Variants in TUSC3 observed in about 807,000 individuals in gnomAD.
TUSC3 encodes dolichyl-diphosphooligosaccharide--protein glycosyltransferase subunit TUSC3.
A neutral mutation model predicts 44.8 loss-of-function variants in TUSC3; 45 were observed. The ratio of observed to expected loss-of-function variants is 1.00; its 90% CI spans 0.79 to 1.29. TUSC3 has a LOEUF of 1.29. TUSC3 is among the 50% of genes most tolerant of loss of function. TUSC3 has a pLI of 0.00. For synonymous variants in TUSC3, 212 were observed against 152.9 expected (o/e 1.39, Z -2.85); for missense variants, 519 against 437.9 (o/e 1.19, Z -1.65).
chr8:15,665,239 A>G (rs1038510626), intron 5 of TUSC3, among the ~76,000 whole-genome samples: 18 of 151,556 alleles, frequency 1.2e-4, no homozygotes, highest in Non-Finnish European at 3.0e-5. Context: ...TTGTAAGAGT[A>G]GACAACTTCC....
Position 15,647,398 on chromosome 8 carries a change from G to C in TUSC3, c.309-3299G>C, listed in dbSNP as rs1164470714. Among the ~76,000 whole-genome samples the C allele has an allele frequency of 5.3e-5, 8 of 151,654 alleles. No individual in the cohort carries two copies. In the East Asian group the frequency reaches 9.7e-4, roughly 18 times the overall value. ...CCTTGTCTCTTATGTTCATTTTTTT[G>C]TTTTTATTTTTCCTGTTGGAATAAA... On this transcript the variant is annotated intron_variant, in intron 2 of 10. Coordinates refer to ENST00000503731, the MANE Select transcript of TUSC3 (RefSeq NM_006765.4).
At chr8:15,783,942 T>G in the TUSC3 span, among the ~76,000 whole-genome samples, 2 of 152,076 alleles carry the variant, frequency 1.3e-5, no homozygotes, top group Non-Finnish European at 2.9e-5. Flanking sequence ...TGTTAGCAAA[T>G]TATGCATCAG....
At chr8:15,710,780 T>TTA (rs1487653381) in intron 6 of TUSC3, among the ~76,000 whole-genome samples, 2 of 149,372 alleles carry the variant, frequency 1.3e-5, no homozygotes, top group African/African-American at 4.9e-5. Flanking sequence ...TTGCATGAAG[T>TTA]GAATATATAT....
intron 1 of TUSC3, among the ~76,000 whole-genome samples, chr8:15,456,922 A>G (rs1015439549): frequency 6.6e-6 from 1 of 152,178 alleles, no homozygotes; most frequent in South Asian, 2.1e-4. Context: ...AATATTAAGA[A>G]CACTTATTCA....
intron 6 of TUSC3, among the ~76,000 whole-genome samples, chr8:15,726,611 G>T (rs545278838): frequency 6.6e-6 from 1 of 152,232 alleles, no homozygotes; most frequent in East Asian, 1.9e-4. Context: ...TTTGAGACCA[G>T]CCTGGCCAAC....
At chr8:15,788,010 T>C in the TUSC3 span, among the ~76,000 whole-genome samples, 1 of 152,164 alleles carries the variant, frequency 6.6e-6, no homozygotes, top group African/African-American at 2.4e-5. Flanking sequence ...AGTACATAAC[T>C]TTCAGGGGAA....
chr8:15,659,726 A>G, intron 4 of TUSC3, 79 bp downstream of exon 4: 1 of 1,559,554 alleles, frequency 6.4e-7, no homozygotes, highest in South Asian at 1.1e-5. Flanking sequence ...GGCCACAGTA[A>G]TACTTTTTAA....
intron 1 of TUSC3, among the ~76,000 whole-genome samples, chr8:15,445,144 A>G (rs1315479815): frequency 6.6e-6 from 1 of 152,176 alleles, no homozygotes; most frequent in Non-Finnish European, 1.5e-5. Flanking sequence ...AGCAGGAAAA[A>G]GGAAAATTCA....
chr8:15,423,990 T>TGG (rs1563247254), intron 1 of TUSC3, among the ~76,000 whole-genome samples: 1 of 127,908 alleles, frequency 7.8e-6, no homozygotes, highest in African/African-American at 3.0e-5. Context: ...TTTTTTTTTT[T>TGG]TTTTTTTTTT....
the TUSC3 span, among the ~76,000 whole-genome samples, chr8:15,780,882 G>T: frequency 6.6e-6 from 1 of 152,100 alleles, no homozygotes. Context: ...AAAGATAGAG[G>T]GTATGCAACC....
chr8:15,526,257 T>G (rs545439755), intron 2 of TUSC3, among the ~76,000 whole-genome samples: 66 of 152,156 alleles, frequency 4.3e-4, no homozygotes, highest in African/African-American at 1.5e-3. Flanking sequence ...GTGGTCTCGA[T>G]CTCCTGACCT....
At chr8:15,838,570 T>C in the TUSC3 span, among the ~76,000 whole-genome samples, 1 of 152,060 alleles carries the variant, frequency 6.6e-6, no homozygotes, top group African/African-American at 2.4e-5. Flanking sequence ...TTAAAAAAAC[T>C]CAGGAGCTAG....
At chr8:15,593,983 A>G (rs1401807799) in intron 1 of TUSC3, among the ~76,000 whole-genome samples, 1 of 152,188 alleles carries the variant, frequency 6.6e-6, no homozygotes, top group Non-Finnish European at 1.5e-5. Flanking sequence ...TTTCTGCATA[A>G]CTAACTTTGG....
chr8:15,545,475 A>C (rs577182819), intron 1 of TUSC3, among the ~76,000 whole-genome samples: 1 of 151,606 alleles, frequency 6.6e-6, no homozygotes, highest in Non-Finnish European at 1.5e-5. Context: ...CTGGAGGGGG[A>C]CTCTGTCTTC....
At chr8:15,706,163 C>A (rs1356134068) in intron 6 of TUSC3, among the ~76,000 whole-genome samples, 2 of 151,818 alleles carry the variant, frequency 1.3e-5, no homozygotes, top group Admixed American at 6.6e-5. Context: ...CATACTGTTT[C>A]CCTAAATTTT....
At chr8:15,776,452 T>TGTC in the TUSC3 span, among the ~76,000 whole-genome samples, 3 of 152,126 alleles carry the variant, frequency 2.0e-5, no homozygotes, top group African/African-American at 7.2e-5. Flanking sequence ...GTACTTGACA[T>TGTC]GTCAGTTATG....
intron 1 of TUSC3, among the ~76,000 whole-genome samples, chr8:15,584,134 G>A (rs6992068): frequency 0.43 from 65,640 of 152,000 alleles, 14,990 homozygotes; most frequent in East Asian, 0.62. Context: ...TGTTAAACTT[G>A]TTAAAGATTT....
chr8:15,613,250 A>G (rs916188029), intron 1 of TUSC3, among the ~76,000 whole-genome samples: 4 of 151,060 alleles, frequency 2.6e-5, no homozygotes, highest in African/African-American at 9.7e-5. Context: ...TTTTTAAGTA[A>G]ATTTAGCACA....
At chr8:15,746,776 C>T (rs749213683) in intron 8 of TUSC3, among the ~76,000 whole-genome samples, 3 of 151,890 alleles carry the variant, frequency 2.0e-5, no homozygotes, top group East Asian at 1.9e-4. Context: ...AAAAGAAAGA[C>T]GTGTTAGATA....
Sources: allele counts gnomAD v4.1 joint callset (sites outside exome capture counted in the v4.1 genomes callset), GRCh38; gene constraint gnomAD v4.1.1; transcripts MANE v1.5; gene names NCBI Gene and HGNC (gene_info 2026-07-23, HGNC 2026-07-21).